Variants in SAMD13 observed in about 807,000 individuals in gnomAD.
SAMD13 encodes the protein sterile alpha motif domain-containing protein 13.
Under a neutral mutation model 12.4 loss-of-function variants are expected in SAMD13, and 9 were observed. The observed-to-expected ratio is 0.72, with a 90% CI of 0.44 to 1.26. The LOEUF (loss-of-function observed/expected upper bound fraction) is 1.26. Among genes scored for constraint, SAMD13 ranks in the 50% most tolerant of loss-of-function variants. The probability of loss-of-function intolerance (pLI) is 0.00; values close to 1 mark genes in which losing one functional copy is unlikely to be tolerated. For synonymous variants in SAMD13, 46 were observed against 45.4 expected, an observed-to-expected ratio of 1.01 and a Z score of -0.05; for missense variants, 84 against 119.6, an observed-to-expected ratio of 0.70 and a Z score of 1.39.
chr1:84,313,447 A>G (rs1570233909), intron 2 of SAMD13, among the ~76,000 whole-genome samples: 1 of 152,134 alleles, frequency 6.6e-6, no homozygotes, highest in East Asian at 1.9e-4. Context: ...GTATGTGCAT[A>G]TATATTCAAA....
intron 3 of SAMD13, among the ~76,000 whole-genome samples, chr1:84,336,083 T>G (rs1181921954): frequency 6.6e-6 from 1 of 152,224 alleles, no homozygotes; most frequent in African/African-American, 2.4e-5. Context: ...TGAATTTCAC[T>G]GTTGCCCTCT....
intron 3 of SAMD13, among the ~76,000 whole-genome samples, chr1:84,347,393 G>A (rs1261497519): frequency 6.6e-6 from 1 of 152,192 alleles, no homozygotes. Context: ...CATGAAACAT[G>A]ATTTTTCCAT....
intron 3 of SAMD13, among the ~76,000 whole-genome samples, chr1:84,334,147 A>T (rs592464): frequency 6.6e-6 from 1 of 152,070 alleles, no homozygotes; most frequent in African/African-American, 2.4e-5. Context: ...CTTCTTTATA[A>T]ATCTGGTAGA....
chr1:84,303,339 A>C (rs1390380657), intron 2 of SAMD13, 52 bp downstream of exon 2: 1 of 1,456,918 alleles, frequency 6.9e-7, no homozygotes, highest in East Asian at 2.3e-5. Context: ...AGAGGGACTT[A>C]GTTTCTATTT....
intron 3 of SAMD13, among the ~76,000 whole-genome samples, chr1:84,330,110 A>C (rs1679145522): frequency 6.6e-6 from 1 of 152,228 alleles, no homozygotes; most frequent in African/African-American, 2.4e-5. Flanking sequence ...GAAGGGAATG[A>C]GTGAAAGTCA....
At chr1:84,335,142 T>G (rs1679266489) in intron 3 of SAMD13, among the ~76,000 whole-genome samples, 1 of 152,150 alleles carries the variant, frequency 6.6e-6, no homozygotes, top group Admixed American at 6.6e-5. Context: ...GGTAGTAGGA[T>G]GTTGAAGTCT....
upstream of SAMD13, among the ~76,000 whole-genome samples, chr1:84,300,671 T>A (rs1678436158): frequency 6.6e-6 from 1 of 152,204 alleles, no homozygotes; most frequent in African/African-American, 2.4e-5. Context: ...CAACCATGTA[T>A]GTTTTCTGTG....
At chr1:84,336,638 G>A (rs2101814412) in intron 3 of SAMD13, among the ~76,000 whole-genome samples, 1 of 152,198 alleles carries the variant, frequency 6.6e-6, no homozygotes, top group African/African-American at 2.4e-5. Flanking sequence ...ATGAGATTTG[G>A]GTGGGGACAC....
rs1679529792 is a variant in SAMD13, at chr1:84,346,124, C to G, written c.166-3507C>G. Reference sequence around the variant, plus strand: ...GTGAAACACAGTAGTTACTTTCCCCCATCACATAGATAAGAAAATGAGGCT... The same window carrying G: ...GTGAAACACAGTAGTTACTTTCCCCGATCACATAGATAAGAAAATGAGGCT... On this transcript the variant is annotated intron_variant, in intron 3 of 3. Transcript: ENST00000394834. Among the ~76,000 whole-genome samples, 5 of 152,308 alleles carry G rather than the reference C, an allele frequency of 3.3e-5. No individual in the cohort carries two copies. In the South Asian group the frequency reaches 1.0e-3, roughly 32 times the overall value.
intron 2 of SAMD13, among the ~76,000 whole-genome samples, chr1:84,315,627 C>T (rs146886148): frequency 1.2e-4 from 18 of 152,210 alleles, no homozygotes; most frequent in South Asian, 2.1e-4. Context: ...AATCTGTCAA[C>T]GGACATTTCA....
chr1:84,305,635 T>C (rs1572688287), intron 2 of SAMD13, among the ~76,000 whole-genome samples: 1 of 152,142 alleles, frequency 6.6e-6, no homozygotes, highest in African/African-American at 2.4e-5. Context: ...CAATTTTAGG[T>C]TTCAGGGTTT....
intron 3 of SAMD13, among the ~76,000 whole-genome samples, chr1:84,326,814 T>A (rs1234218940): frequency 6.6e-6 from 1 of 152,194 alleles, no homozygotes; most frequent in Non-Finnish European, 1.5e-5. Flanking sequence ...GGTAAACTTT[T>A]CTAAAATTGC....
At chr1:84,307,913 A>C (rs532937124) in intron 2 of SAMD13, among the ~76,000 whole-genome samples, 1 of 152,128 alleles carries the variant, frequency 6.6e-6, no homozygotes, top group Non-Finnish European at 1.5e-5. Flanking sequence ...TAAACCTTCA[A>C]GGTTTGTTCC....
At chr1:84,336,584 A>G (rs921232734) in intron 3 of SAMD13, among the ~76,000 whole-genome samples, 1 of 152,118 alleles carries the variant, frequency 6.6e-6, no homozygotes, top group Admixed American at 6.5e-5. Context: ...TCATGATTCA[A>G]TTACCTCCCA....
intron 3 of SAMD13, among the ~76,000 whole-genome samples, chr1:84,328,340 G>A (rs915869607): frequency 4.6e-5 from 7 of 152,162 alleles, no homozygotes; most frequent in South Asian, 4.1e-4. Flanking sequence ...AGTGAGCATC[G>A]TCTTGCTACT....
chr1:84,336,919 A>G (rs553985592), intron 3 of SAMD13, among the ~76,000 whole-genome samples: 7 of 152,284 alleles, frequency 4.6e-5, no homozygotes, highest in Middle Eastern at 3.4e-3. Context: ...ATTGGCCAAA[A>G]CAAAGGGGCT....
intron 3 of SAMD13, among the ~76,000 whole-genome samples, chr1:84,327,850 T>G (rs1349541326): frequency 1.3e-5 from 2 of 152,226 alleles, no homozygotes; most frequent in Admixed American, 1.3e-4. Flanking sequence ...GTTTTCTTTA[T>G]GTTTGAAAAA....
intron 3 of SAMD13, among the ~76,000 whole-genome samples, chr1:84,339,954 G>A (rs1487796773): frequency 6.6e-6 from 1 of 152,200 alleles, no homozygotes; most frequent in Non-Finnish European, 1.5e-5. Context: ...ATACGGAGGA[G>A]CAAGGATGTG....
chr1:84,319,533 A>G (rs1417377886), intron 2 of SAMD13, among the ~76,000 whole-genome samples: 1 of 151,610 alleles, frequency 6.6e-6, no homozygotes, highest in African/African-American at 2.4e-5. Context: ...TACTTGGGAG[A>G]CTGAGGCAGG....
Sources: allele counts gnomAD v4.1 joint callset (sites outside exome capture counted in the v4.1 genomes callset), GRCh38; gene constraint gnomAD v4.1.1; transcripts MANE v1.5; gene names NCBI Gene and HGNC (gene_info 2026-07-23, HGNC 2026-07-21).